The following EFL1 variants were observed in gnomAD, a reference collection of about 807,000 sequenced individuals.
EFL1 encodes elongation factor like GTPase 1.
A neutral mutation model predicts 126.7 loss-of-function variants in EFL1; 76 were observed. The ratio of observed to expected loss-of-function variants is 0.60; its 90% CI spans 0.50 to 0.73. The LOEUF is 0.73. Ranked by LOEUF, EFL1 falls within the 30% of genes least tolerant of loss-of-function variation. The pLI, the probability that EFL1 is intolerant of heterozygous loss-of-function variation, is 0.00. For synonymous variants in EFL1, 410 were observed against 448.4 expected (o/e 0.91, Z 1.08); for missense variants, 1,128 against 1,343.2 (o/e 0.84, Z 2.50).
intron 4 of EFL1, among the ~76,000 whole-genome samples, chr15:82,248,223 T>C (rs1210591597): frequency 1.3e-5 from 2 of 152,038 alleles, no homozygotes; most frequent in Non-Finnish European, 2.9e-5. Context: ...ACTGAATACT[T>C]CACAAAGTAA....
chr15:82,207,427 G>C (rs1437639519), intron 15 of EFL1, among the ~76,000 whole-genome samples: 2 of 151,800 alleles, frequency 1.3e-5, no homozygotes, highest in African/African-American at 4.8e-5. Context: ...TGCAGCAAAT[G>C]CATTTAAACG....
At chr15:82,153,123 T>C (rs920147701) in intron 17 of EFL1, among the ~76,000 whole-genome samples, 1 of 152,178 alleles carries the variant, frequency 6.6e-6, no homozygotes, top group South Asian at 2.1e-4. Flanking sequence ...AAATTTTTAA[T>C]TGTATTTGAT....
chr15:82,130,252 T>C lies in EFL1; in HGVS notation c.*121A>G. ...ATCCTCTTTAAAATATTTATATGGA[T>C]CAACTTTATTGAAAGTGAATAAACA... On this transcript the variant is annotated 3_prime_UTR_variant, in exon 20 of 20. Transcript: ENST00000268206. The C allele has an allele frequency of 9.4e-7, 1 of 1,068,302 alleles. No individual in the cohort carries two copies. The highest frequency in any genetic ancestry group is 1.7e-5 in the South Asian group (1 of 58,004). The allele number at this position is 1,068,302 out of a possible 1,614,324, so 66.2% of individuals were successfully genotyped here. A position where few individuals can be genotyped will look rare whatever the true frequency, so the allele number is the denominator to read the frequency against.
chr15:82,161,227 A>G (rs1393017509), intron 16 of EFL1, among the ~76,000 whole-genome samples: 1 of 152,200 alleles, frequency 6.6e-6, no homozygotes, highest in Non-Finnish European at 1.5e-5. Flanking sequence ...TCTATTCAAG[A>G]AAAACAATGA....
intron 4 of EFL1, among the ~76,000 whole-genome samples, chr15:82,242,148 T>C (rs1480528920): frequency 1.3e-5 from 2 of 152,216 alleles, no homozygotes; most frequent in African/African-American, 4.8e-5. Flanking sequence ...TAACTTAGTA[T>C]ACCATGCAGA....
Position 82,230,853 on chromosome 15 carries a change from C to T in EFL1, c.850G>A (p.Asp284Asn), listed in dbSNP as rs758952019. The part of the protein sequence containing the change: ...NMKAKKIMKG[D>N]QAKGKKPLFV... ...AGGGACATATACCACATTACCTGATCACCCTTCATGATCTTTTTAGCCTTC... is the reference window on the plus strand; with the variant it reads ...AGGGACATATACCACATTACCTGATTACCCTTCATGATCTTTTTAGCCTTC... Residue 284 changes from aspartate to asparagine, a missense_variant, in exon 8 of 20, where the codon GAT (aspartate) becomes AAT (asparagine). By Grantham distance (23) the Asp-to-Asn change is conservative. Coordinates refer to ENST00000268206, the MANE Select transcript of EFL1 (RefSeq NM_024580.6). 2.5e-6 allele frequency: 4 copies of T among 1,609,778 alleles called. No homozygotes were observed. The South Asian group carries it at 3.3e-5, about 13-fold the overall frequency.
At chr15:82,199,569 T>C (rs910900903) in intron 15 of EFL1, among the ~76,000 whole-genome samples, 12 of 152,242 alleles carry the variant, frequency 7.9e-5, no homozygotes, top group African/African-American at 2.9e-4. Context: ...ATTTATTTGG[T>C]AATAATAAAG....
intron 3 of EFL1, among the ~76,000 whole-genome samples, chr15:82,255,876 C>A (rs1166428682): frequency 6.6e-6 from 1 of 152,130 alleles, no homozygotes; most frequent in Non-Finnish European, 1.5e-5. Context: ...AGATGTATTT[C>A]CATATCTTAC....
At chr15:82,192,850 A>G (rs1381138783) in intron 15 of EFL1, among the ~76,000 whole-genome samples, 1 of 151,926 alleles carries the variant, frequency 6.6e-6, no homozygotes, top group Non-Finnish European at 1.5e-5. Context: ...AAAAAAAGAA[A>G]GAAAGAAAGA....
chr15:82,219,935 A>G (rs1463920357), intron 13 of EFL1, 117 bp from the exon 14 acceptor site: 3 of 1,477,666 alleles, frequency 2.0e-6, no homozygotes, highest in South Asian at 2.8e-5. Flanking sequence ...GAAAAAAAAG[A>G]AAACAAAACA....
chr15:82,228,449 A>G, intron 9 of EFL1, 122 bp from the exon 10 acceptor site: 1 of 1,282,442 alleles, frequency 7.8e-7, no homozygotes, highest in Non-Finnish European at 1.0e-6. Flanking sequence ...AAAGCTAAAA[A>G]TGATTGAAGG....
At chr15:82,162,626 T>C (rs1234205090) in intron 16 of EFL1, among the ~76,000 whole-genome samples, 1 of 152,160 alleles carries the variant, frequency 6.6e-6, no homozygotes, top group African/African-American at 2.4e-5. Flanking sequence ...AGGCACTGTG[T>C]CAGTCCACAG....
chr15:82,182,578 C>G (rs1354281341), intron 15 of EFL1, among the ~76,000 whole-genome samples: 1 of 152,146 alleles, frequency 6.6e-6, no homozygotes, highest in African/African-American at 2.4e-5. Flanking sequence ...AATCCCAGCA[C>G]TTTGGGAGGC....
intron 15 of EFL1, among the ~76,000 whole-genome samples, chr15:82,169,562 T>C (rs1401285943): frequency 6.6e-6 from 1 of 152,224 alleles, no homozygotes; most frequent in Non-Finnish European, 1.5e-5. Flanking sequence ...TTGTCTATTC[T>C]TCTTTTAGGT....
At chr15:82,233,251 A>G (rs1394727893) in intron 7 of EFL1, among the ~76,000 whole-genome samples, 2 of 152,178 alleles carry the variant, frequency 1.3e-5, no homozygotes, top group African/African-American at 4.8e-5. Context: ...CATTACTGCT[A>G]GTGTTTTTAT....
intron 14 of EFL1, among the ~76,000 whole-genome samples, chr15:82,219,367 G>A (rs2074683948): frequency 6.6e-6 from 1 of 152,120 alleles, no homozygotes; most frequent in South Asian, 2.1e-4. Flanking sequence ...GCTCTTATCA[G>A]TTCTTTTCTC....
intron 19 of EFL1, among the ~76,000 whole-genome samples, chr15:82,134,580 G>A (rs946385850): frequency 2.2e-4 from 33 of 152,196 alleles, no homozygotes; most frequent in East Asian, 1.3e-3. Context: ...CAGTTTTCAC[G>A]ATGATTACTG....
At chr15:82,239,970 A>G (rs1280609540) in intron 6 of EFL1, among the ~76,000 whole-genome samples, 1 of 152,210 alleles carries the variant, frequency 6.6e-6, no homozygotes, top group Non-Finnish European at 1.5e-5. Flanking sequence ...AGCTCCTTGA[A>G]AATAGGGATT....
chr15:82,231,279 A>C (rs556524327), intron 7 of EFL1, among the ~76,000 whole-genome samples: 8 of 152,220 alleles, frequency 5.3e-5, no homozygotes, highest in Non-Finnish European at 1.0e-4. Flanking sequence ...TAGGGACAAG[A>C]AAATGCAAGC....
Sources: allele counts gnomAD v4.1 joint callset (sites outside exome capture counted in the v4.1 genomes callset), GRCh38; gene constraint gnomAD v4.1.1; transcripts MANE v1.5; gene names NCBI Gene and HGNC (gene_info 2026-07-23, HGNC 2026-07-21).